ITGA11: variants seen among roughly 807,000 people sequenced by gnomAD.
The protein encoded by ITGA11 is integrin subunit alpha 11.
ITGA11 carries 97 observed loss-of-function variants against 141.9 expected under a neutral mutation model. The observed-to-expected ratio is 0.68, with a 90% CI of 0.58 to 0.81. The LOEUF is 0.81. Ranked by LOEUF, ITGA11 falls within the 30% of genes least tolerant of loss-of-function variation. ITGA11 has a pLI of 0.00. For synonymous variants in ITGA11, 658 were observed against 624.6 expected, an observed-to-expected ratio of 1.05 and a Z score of -0.80; for missense variants, 1,387 against 1,559.2, an observed-to-expected ratio of 0.89 and a Z score of 1.86.
Position 68,350,798 on chromosome 15 carries a change from G to A in ITGA11, c.895-16C>T. On this transcript the variant is annotated splice_polypyrimidine_tract_variant and intron_variant, in intron 8 of 29. Transcript: ENST00000315757. ...AGCCCAGGACCTGCCAGGGAACAGG[G>A]GCAGGAACCACAAACCAGAACATAG... 2 of 1,606,152 alleles carry A rather than the reference G, an allele frequency of 1.2e-6. No homozygotes were observed. Among genetic ancestry groups the A allele is most frequent in the South Asian group, 1.1e-5 (1 of 89,304 alleles).
In ITGA11 at chr15:68,397,440, A is replaced by ATAATAT. The variant is rs375920739; in HGVS notation, c.164+5477_164+5478insATATTA. ...ATATATAAATATTAATATAATAATA[A>ATAATAT]ATTAATAAAATATAAAATTATTAAT... On this transcript the variant is annotated intron_variant, in intron 2 of 29. Coordinates refer to ENST00000315757, the MANE Select transcript of ITGA11 (RefSeq NM_001004439.2). Among the ~76,000 whole-genome samples the ATAATAT allele has an allele frequency of 9.3e-3, 105 of 11,282 alleles. 3 individuals carry two copies. The highest frequency in any genetic ancestry group is 0.031 in the South Asian group (4 of 130). The allele number at this position is 11,282 out of a possible 152,430, so 7.4% of individuals were successfully genotyped here.
chr15:68,368,888 G>A lies in ITGA11; in HGVS notation c.265+296C>T, dbSNP rs565912458. ...TTTTTTTTTTTTTTCTCCTGGGAGA[G>A]AAAACTTTGAGTTGAAGGGCAGTGG... is the stretch of plus-strand genomic sequence containing the variant. On this transcript the variant is annotated intron_variant, in intron 3 of 29. Transcript: ENST00000315757. 2.1e-5 allele frequency among the ~76,000 whole-genome samples: 3 copies of A among 144,550 alleles called. No homozygotes were observed. In the South Asian group the frequency reaches 6.6e-4, roughly 32 times the overall value. 94.8% of individuals were successfully genotyped at this position (144,550 alleles called of 152,430 possible).
chr15:68,396,748 A>G (rs1210835251), intron 2 of ITGA11, among the ~76,000 whole-genome samples: 1 of 149,836 alleles, frequency 6.7e-6, no homozygotes, highest in Non-Finnish European at 1.5e-5. Context: ...AAATATACAA[A>G]AATCAATTGT....
At chr15:68,364,659 C>A in intron 4 of ITGA11, 48 bp downstream of exon 4, 1 of 1,293,416 alleles carries the variant, frequency 7.7e-7, no homozygotes, top group Non-Finnish European at 1.1e-6. Context: ...CCCTCCCCAC[C>A]CCCACCCCTG....
chr15:68,376,843 C>T, intron 2 of ITGA11, among the ~76,000 whole-genome samples: 1 of 152,206 alleles, frequency 6.6e-6, no homozygotes, highest in Admixed American at 6.5e-5. Context: ...AGGGGAGGTA[C>T]AAATGCAGGT....
At chr15:68,365,117 G>A in intron 3 of ITGA11, 1 of 983,260 alleles carries the variant, frequency 1.0e-6, no homozygotes, top group Non-Finnish European at 1.2e-6. Context: ...ACTTCCCCGT[G>A]TGCCCCCAAG....
In ITGA11 at chr15:68,300,003, C is replaced by T. The variant is rs1892992384; in HGVS notation, c.*3056G>A. 1 of 152,204 alleles carries T rather than the reference C, an allele frequency of 6.6e-6. No individual in the cohort carries two copies. The highest frequency in any genetic ancestry group is 1.5e-5 in the Non-Finnish European group (1 of 68,042). 9.4% of individuals were successfully genotyped at this position (152,204 alleles called of 1,614,324 possible). On this transcript the variant is annotated 3_prime_UTR_variant, in exon 30 of 30. Coordinates refer to ENST00000315757, the MANE Select transcript of ITGA11 (RefSeq NM_001004439.2). ...GCTGATTTTCTTTGCTGGCTGCCAT[C>T]AAGATAGTCCCCAGCACAGTTGAAG...
At chr15:68,370,317 G>GCCCTGGAGGAAAAGCCTGCGA (rs1567147793) in intron 2 of ITGA11, among the ~76,000 whole-genome samples, 1 of 152,220 alleles carries the variant, frequency 6.6e-6, no homozygotes, top group East Asian at 1.9e-4. Flanking sequence ...CGGTGGCCGT[G>GCCCTGGAGGAAAAGCCTGCGA]CCCTGGAGGA....
chr15:68,312,647 A>C (rs996711275), intron 24 of ITGA11, 126 bp downstream of exon 24: 1 of 670,638 alleles, frequency 1.5e-6, no homozygotes, highest in African/African-American at 1.8e-5. Context: ...AAAGTCGCAC[A>C]GTGGGTGGGT....
rs1893967534 is a variant in ITGA11, at chr15:68,326,237, G to A, written c.2211+417C>T. Among the ~76,000 whole-genome samples, 1 of 152,204 alleles carries A rather than the reference G, an allele frequency of 6.6e-6. No individual in the cohort carries two copies. Among genetic ancestry groups the A allele is most frequent in the Admixed American group, 6.5e-5 (1 of 15,288 alleles). On this transcript the variant is annotated intron_variant, in intron 17 of 29. Transcript: ENST00000315757. The surrounding 1 kb of genome is among the most constrained non-coding windows in gnomAD (Gnocchi z 6.8). Reference sequence around the variant, plus strand: ...GGGGCACCAGGCCACTACCCTACTTGTGACATCACTGGCGCCCCTCTCTGT... The same window carrying A: ...GGGGCACCAGGCCACTACCCTACTTATGACATCACTGGCGCCCCTCTCTGT...
chr15:68,409,167 T>C (rs898218906), intron 1 of ITGA11, among the ~76,000 whole-genome samples: 1 of 152,196 alleles, frequency 6.6e-6, no homozygotes, highest in Admixed American at 6.5e-5. Context: ...TCCTACGCTT[T>C]CAAGTCCCAC....
Position 68,320,245 on chromosome 15 carries a change from G to A in ITGA11, c.2556C>T (p.Tyr852=), listed in dbSNP as rs1276006160. The A allele has an allele frequency of 1.2e-5, 20 of 1,613,938 alleles. No individual in the cohort carries two copies. Among genetic ancestry groups the A allele is most frequent in the East Asian group, 2.2e-5 (1 of 44,900 alleles). ...ACTGCGAGATATTTAGGACCGTGCTGTAGGCGTTCTCGCCCCTGTTCTCCA... is the reference window on the plus strand; with the variant it reads ...ACTGCGAGATATTTAGGACCGTGCTATAGGCGTTCTCGCCCCTGTTCTCCA... The part of the protein sequence containing the change: ...ATLENRGENA[Y]STVLNISQSA... The change falls in exon 20 of 30, where the codon TAC becomes TAT. Residue 852 remains tyrosine (Y), a synonymous_variant. Transcript: ENST00000315757.
intron 12 of ITGA11, among the ~76,000 whole-genome samples, chr15:68,334,487 G>A (rs576985800): frequency 2.6e-5 from 4 of 152,328 alleles, no homozygotes; most frequent in East Asian, 1.9e-4. Context: ...CTGGCTTAGC[G>A]TGTTTTCAGG....
intron 10 of ITGA11, among the ~76,000 whole-genome samples, chr15:68,348,131 C>T (rs1474714826): frequency 2.6e-5 from 4 of 152,218 alleles, no homozygotes; most frequent in African/African-American, 4.8e-5. Context: ...GAGGCTCCAG[C>T]CCCTCCTTAT....
chr15:68,420,145 C>T (rs1025174308), intron 1 of ITGA11, among the ~76,000 whole-genome samples: 7 of 152,184 alleles, frequency 4.6e-5, no homozygotes, highest in African/African-American at 1.7e-4. Context: ...TTCTTGGGTG[C>T]TAAACAACAT....
intron 7 of ITGA11, among the ~76,000 whole-genome samples, chr15:68,354,091 C>G (rs1248329433): frequency 2.6e-5 from 4 of 152,138 alleles, no homozygotes; most frequent in Non-Finnish European, 5.9e-5. Context: ...GATTCTGTAC[C>G]TGCCCTCTGC....
In ITGA11 at chr15:68,330,981, C is replaced by A; in HGVS notation, c.1901G>T (p.Trp634Leu). ...VGALGNAVILWSRPVVQINAS... is the reference protein window; with the variant it reads ...VGALGNAVILLSRPVVQINAS... ...AGGTGGGAACAGCGGGGGAACCAAC[C>A]ACAGAATCACAGCGTTGCCAAGGGC... is the stretch of plus-strand genomic sequence containing the variant. Residue 634 changes from tryptophan (W) to leucine (L), a missense_variant and splice_region_variant, in exon 15 of 30, where the codon TGG becomes TTG. Trp to Leu is a moderately conservative substitution (Grantham distance 61). Transcript: ENST00000315757. The A allele has an allele frequency of 6.2e-7, 1 of 1,613,940 alleles. No homozygotes were observed. Among genetic ancestry groups the A allele is most frequent in the Non-Finnish European group, 8.5e-7 (1 of 1,179,886 alleles).
chr15:68,356,606 CT>C (rs1310150102), intron 7 of ITGA11, among the ~76,000 whole-genome samples: 2 of 152,220 alleles, frequency 1.3e-5, no homozygotes, highest in Non-Finnish European at 2.9e-5. Flanking sequence ...TCTAAATGCT[CT>C]TCTGCAAAAT....
In ITGA11 at chr15:68,320,247, A is replaced by G; in HGVS notation, c.2554T>C (p.Tyr852His). ...ATLENRGENA[Y>H]STVLNISQSA... ...TGCGAGATATTTAGGACCGTGCTGT[A>G]GGCGTTCTCGCCCCTGTTCTCCAGT... The change falls in exon 20 of 30, where the codon TAC becomes CAC. Residue 852 changes from tyrosine to histidine, a missense_variant. Coordinates refer to ENST00000315757, the MANE Select transcript of ITGA11 (RefSeq NM_001004439.2). 1 of 1,614,042 alleles carries G rather than the reference A, an allele frequency of 6.2e-7. No individual in the cohort carries two copies. The highest frequency in any genetic ancestry group is 8.5e-7 in the Non-Finnish European group (1 of 1,179,902).
Sources: allele counts gnomAD v4.1 joint callset (sites outside exome capture counted in the v4.1 genomes callset), GRCh38; gene constraint gnomAD v4.1.1; non-coding constraint Gnocchi (gnomAD v3.1); transcripts MANE v1.5; gene names NCBI Gene and HGNC (gene_info 2026-07-23, HGNC 2026-07-21).